TMSB15B: variants seen among roughly 807,000 people sequenced by gnomAD.
The protein encoded by TMSB15B is thymosin beta 15B, also known as thymosin beta-15B.
intron 1 of TMSB15B, among the ~76,000 whole-genome samples, chrX:103,934,461 G>A (rs1179676980): frequency 4.5e-5 from 5 of 110,278 alleles, no homozygotes; most frequent in African/African-American, 1.3e-4. Flanking sequence ...ATCTACATTA[G>A]GTATTTCTCC....
chrX:103,939,168 T>G (rs782141773), intron 1 of TMSB15B, among the ~76,000 whole-genome samples: 4 of 111,258 alleles, frequency 3.6e-5, no homozygotes, highest in Non-Finnish European at 7.5e-5. Context: ...CTTTGTGGTG[T>G]TCTTTCTATT....
At chrX:103,931,298 C>T (rs1378659573) in intron 1 of TMSB15B, 3 of 112,274 alleles carry the variant, frequency 2.7e-5, no homozygotes, top group Non-Finnish European at 5.6e-5. Context: ...TCACTCTGTA[C>T]ATCCATGTCC....
chrX:103,936,908 A>T (rs2074999529), intron 1 of TMSB15B, among the ~76,000 whole-genome samples: 1 of 111,699 alleles, frequency 9.0e-6, no homozygotes, highest in African/African-American at 3.3e-5. Context: ...ACATAATCAT[A>T]TGGTTTTTGT....
At chrX:103,956,071 G>T (rs2075050709) in intron 1 of TMSB15B, among the ~76,000 whole-genome samples, 1 of 88,551 alleles carries the variant, frequency 1.1e-5, no homozygotes, top group Non-Finnish European at 2.2e-5. Flanking sequence ...GGAAAAATAA[G>T]ATCCCTTTCA....
At chrX:103,955,139 A>T (rs1478204050) in intron 1 of TMSB15B, among the ~76,000 whole-genome samples, 2 of 111,598 alleles carry the variant, frequency 1.8e-5, no homozygotes, top group Admixed American at 1.9e-4. Flanking sequence ...TAAAAGAAAA[A>T]AAACATCCAA....
At chrX:103,943,596 T>C (rs2075017940) in intron 1 of TMSB15B, among the ~76,000 whole-genome samples, 1 of 111,881 alleles carries the variant, frequency 8.9e-6, no homozygotes, top group East Asian at 2.8e-4. Context: ...GCTTACAAGA[T>C]AAAATCCAAA....
chrX:103,955,567 G>T (rs1556329000), intron 1 of TMSB15B, among the ~76,000 whole-genome samples: 1 of 110,072 alleles, frequency 9.1e-6, no homozygotes, highest in Non-Finnish European at 1.9e-5. Flanking sequence ...CCTTTCTGAA[G>T]TAAGACGAGC....
chrX:103,928,135 G>C, intron 1 of TMSB15B: 1 of 1,152,504 alleles, frequency 8.7e-7, no homozygotes, highest in Non-Finnish European at 1.2e-6. Flanking sequence ...AGGAGCTTCA[G>C]CACAGAACAC....
At chrX:103,953,830 C>A (rs1215669321) in intron 1 of TMSB15B, among the ~76,000 whole-genome samples, 1 of 111,555 alleles carries the variant, frequency 9.0e-6, no homozygotes. Context: ...GGCAGGCCAC[C>A]ATCTTTGCTT....
At chrX:103,935,843 G>GTTTTT (rs1165751386) in intron 1 of TMSB15B, among the ~76,000 whole-genome samples, 12 of 80,177 alleles carry the variant, frequency 1.5e-4, no homozygotes, top group South Asian at 1.3e-3. Flanking sequence ...CATAGGAGTT[G>GTTTTT]TTTTTTTTTT....
chrX:103,951,036 G>A (rs1192204315), intron 1 of TMSB15B, among the ~76,000 whole-genome samples: 6 of 111,766 alleles, frequency 5.4e-5, no homozygotes, highest in African/African-American at 1.6e-4. Flanking sequence ...GGTTTCTTCC[G>A]AGGCTTCTCT....
intron 1 of TMSB15B, among the ~76,000 whole-genome samples, chrX:103,952,637 G>C (rs1318403435): frequency 1.8e-5 from 2 of 111,835 alleles, no homozygotes; most frequent in Non-Finnish European, 3.8e-5. Context: ...ACCTTATGGA[G>C]GTTAGAATGT....
chrX:103,922,807 G>A (rs1484142493), intron 1 of TMSB15B, among the ~76,000 whole-genome samples: 2 of 112,009 alleles, frequency 1.8e-5, no homozygotes, highest in East Asian at 5.6e-4. Flanking sequence ...GGTTGAACTA[G>A]TTCACAGTCC....
chrX:103,927,848 G>A (rs2074973087), intron 1 of TMSB15B, among the ~76,000 whole-genome samples: 1 of 110,826 alleles, frequency 9.0e-6, no homozygotes, highest in African/African-American at 3.3e-5. Context: ...ATACTGTAGT[G>A]GTGGCTCTGT....
intron 1 of TMSB15B, among the ~76,000 whole-genome samples, chrX:103,922,256 G>A (rs2074955447): frequency 9.2e-6 from 1 of 108,650 alleles, no homozygotes; most frequent in African/African-American, 3.4e-5. Flanking sequence ...TATGCACAAC[G>A]TGCAGGTTTG....
chrX:103,943,683 A>T (rs2075018170), intron 1 of TMSB15B, among the ~76,000 whole-genome samples: 2 of 111,745 alleles, frequency 1.8e-5, no homozygotes, highest in Admixed American at 1.9e-4. Context: ...CTCTACTTAA[A>T]TATTATGAAT....
chrX:103,924,745 G>T lies in TMSB15B; in HGVS notation c.-721+5453G>T, dbSNP rs1167532422. ...GCTGGATCCTGGGGCAGTCACACAGGCTACCCATGTGGACTAGACTGGCTC... is the reference window on the plus strand; with the variant it reads ...GCTGGATCCTGGGGCAGTCACACAGTCTACCCATGTGGACTAGACTGGCTC... On this transcript the variant is annotated intron_variant, in intron 1 of 3. Transcript: ENST00000419165. 2.7e-5 allele frequency among the ~76,000 whole-genome samples: 3 copies of T among 111,641 alleles called. No individual in the cohort carries two copies. In the East Asian group the frequency reaches 8.5e-4, roughly 32 times the overall value.
chrX:103,946,740 C>A (rs1173953660), intron 1 of TMSB15B, among the ~76,000 whole-genome samples: 1 of 110,931 alleles, frequency 9.0e-6, no homozygotes, highest in Non-Finnish European at 1.9e-5. Context: ...ATGCCTTATA[C>A]AAAATAAAAT....
At chrX:103,943,738 T>A (rs781799815) in intron 1 of TMSB15B, among the ~76,000 whole-genome samples, 1 of 112,152 alleles carries the variant, frequency 8.9e-6, no homozygotes, top group Non-Finnish European at 1.9e-5. Flanking sequence ...TTCCCAAATG[T>A]GCCCTACATT....
Sources: gnomAD v4.1 joint callset for allele counts (sites outside exome capture counted in the v4.1 genomes callset) on GRCh38, gnomAD v4.1.1 for gene constraint, MANE v1.5 for transcripts, NCBI Gene and HGNC (gene_info 2026-07-23, HGNC 2026-07-21) for gene names.